Variants in ZRANB1 observed in about 807,000 individuals in gnomAD.
The protein encoded by ZRANB1 is zinc finger RANBP2-type containing 1, also known as ubiquitin thioesterase ZRANB1.
In ZRANB1, 16 loss-of-function variants were observed where a neutral mutation model predicts 80.5. The observed-to-expected ratio is 0.20, with a 90% CI of 0.13 to 0.30. The LOEUF (loss-of-function observed/expected upper bound fraction) is 0.30, where lower values mean the gene tolerates loss of function less well. Ranked by LOEUF, ZRANB1 falls within the 10% of genes least tolerant of loss-of-function variation. The probability of loss-of-function intolerance (pLI) is 1.00; values close to 1 mark genes in which losing one functional copy is unlikely to be tolerated. For synonymous variants in ZRANB1, 291 were observed against 293.1 expected, an observed-to-expected ratio of 0.99 and a Z score of 0.07; for missense variants, 576 against 862.6, an observed-to-expected ratio of 0.67 and a Z score of 4.16.
At chr10:124,979,009 G>A (rs1589855733) in intron 5 of ZRANB1, among the ~76,000 whole-genome samples, 3 of 151,678 alleles carry the variant, frequency 2.0e-5, no homozygotes, top group African/African-American at 7.3e-5. Flanking sequence ...GACCAGCCTG[G>A]GCAACATAAT....
At chr10:124,974,845 TG>T (rs1951862158) in intron 5 of ZRANB1, among the ~76,000 whole-genome samples, 1 of 152,208 alleles carries the variant, frequency 6.6e-6, no homozygotes, top group East Asian at 1.9e-4. Context: ...ATTGCTGTGC[TG>T]GAGTGCAGTG....
At position 124,985,102 on chromosome 10, in the gene ZRANB1, G is replaced by A. The variant is rs1244922186; in HGVS notation, c.*110G>A. On this transcript the variant is annotated 3_prime_UTR_variant, in exon 9 of 9. Transcript: ENST00000359653. Reference sequence around the variant, plus strand: ...TCATGGAATGAACCAAATCTGGCAGGATCTGCTCGGGGAAGTGTTTTCCTG... The same window carrying A: ...TCATGGAATGAACCAAATCTGGCAGAATCTGCTCGGGGAAGTGTTTTCCTG... The A allele has an allele frequency of 1.1e-5, 9 of 829,560 alleles. No homozygotes were observed. The highest frequency in any genetic ancestry group is 1.3e-5 in the Non-Finnish European group (7 of 524,572). The allele number at this position is 829,560 out of a possible 1,614,324, so 51.4% of individuals were successfully genotyped here. A position where few individuals can be genotyped will look rare whatever the true frequency, so the allele number is the denominator to read the frequency against.
intron 1 of ZRANB1, among the ~76,000 whole-genome samples, chr10:124,963,554 G>GTTTTTTTTTTT (rs760813299): frequency 1.7e-5 from 1 of 57,508 alleles, no homozygotes; most frequent in Non-Finnish European, 3.2e-5. Context: ...TTTTTTGTTT[G>GTTTTTTTTTTT]TTTTTTTTTT....
At position 124,942,551 on chromosome 10, in the gene ZRANB1, T is replaced by C. The variant is rs1250276538; in HGVS notation, c.58T>C (p.Ser20Pro). ...CEYCTYENWP[S>P]AIKCTMCRAQ... The stretch of plus-strand genomic sequence containing the variant: ...ATATTGTACGTATGAAAACTGGCCA[T>C]CTGCAATCAAGTGTACTATGTGTCG... The change falls in exon 1 of 9, where the codon TCT (serine) becomes CCT (proline). Residue 20 changes from serine (S) to proline (P), a missense_variant. By Grantham distance (74) the Ser-to-Pro change is moderately conservative. Around this residue, in one of 3 missense-constraint regions of ZRANB1, gnomAD observed 411 missense variants for 583.1 expected, o/e 0.70. Transcript: ENST00000359653. 6.2e-7 allele frequency: 1 copy of C among 1,614,196 alleles called. No homozygotes were observed. The highest frequency in any genetic ancestry group is 1.7e-5 in the Admixed American group (1 of 60,024).
intron 1 of ZRANB1, among the ~76,000 whole-genome samples, chr10:124,944,550 A>G (rs779664643): frequency 8.3e-4 from 108 of 130,782 alleles, no homozygotes; most frequent in Admixed American, 1.5e-3. Flanking sequence ...CAGTGATGCA[A>G]TCATGGCTCA....
chr10:124,939,425 G>C (rs1255323686), upstream of ZRANB1, among the ~76,000 whole-genome samples: 2 of 152,068 alleles, frequency 1.3e-5, no homozygotes, highest in Admixed American at 1.3e-4. Flanking sequence ...TAATTAGGCA[G>C]CTGTCTGTCC....
At chr10:124,926,239 C>T in the ZRANB1 span, among the ~76,000 whole-genome samples, 4 of 152,124 alleles carry the variant, frequency 2.6e-5, no homozygotes, top group African/African-American at 4.8e-5. Context: ...AACACTTTGG[C>T]TACACTAAGT....
upstream of ZRANB1, chr10:124,941,984 G>A (rs978591342): frequency 4.2e-5 from 10 of 240,710 alleles, no homozygotes; most frequent in Non-Finnish European, 6.8e-5. Flanking sequence ...TAAAATAGAC[G>A]TTGCTTGATC....
rs533265634 is a variant in ZRANB1, at chr10:124,985,564, C to A, written c.*572C>A. 6.5e-6 allele frequency: 1 copy of A among 152,742 alleles called. No individual in the cohort carries two copies. The highest frequency in any genetic ancestry group is 2.4e-5 in the African/African-American group (1 of 41,568). 9.5% of individuals were successfully genotyped at this position (152,742 alleles called of 1,614,324 possible). ...TGTGCCCAATCAAATCTTTTAGGAA[C>A]AAACTGCAAGAAAAGCTAAGAATGT... On this transcript the variant is annotated 3_prime_UTR_variant, in exon 9 of 9. Transcript: ENST00000359653.
chr10:124,944,082 G>A (rs1018519298), intron 1 of ZRANB1, among the ~76,000 whole-genome samples: 1 of 152,194 alleles, frequency 6.6e-6, no homozygotes, highest in Non-Finnish European at 1.5e-5. Flanking sequence ...AGGAAATGCT[G>A]TTAAAGGACA....
chr10:124,984,699 G>A (rs1466371518), intron 8 of ZRANB1, 75 bp from the exon 9 acceptor site: 1 of 1,469,560 alleles, frequency 6.8e-7, no homozygotes. Context: ...CCAGCTGTAG[G>A]TTTCCATGTC....
the ZRANB1 span, among the ~76,000 whole-genome samples, chr10:124,918,019 T>C: frequency 6.6e-6 from 1 of 152,172 alleles, no homozygotes; most frequent in African/African-American, 2.4e-5. Context: ...GTTTTGAAAC[T>C]CTCTTGCTGA....
upstream of ZRANB1, among the ~76,000 whole-genome samples, chr10:124,941,356 AT>A (rs1033033840): frequency 2.0e-5 from 3 of 151,976 alleles, no homozygotes; most frequent in African/African-American, 7.3e-5. Context: ...TATGAATTGG[AT>A]TTTTTGGGGG....
chr10:124,939,876 C>T (rs1034940741), upstream of ZRANB1, among the ~76,000 whole-genome samples: 5 of 152,108 alleles, frequency 3.3e-5, no homozygotes, highest in African/African-American at 1.2e-4. Context: ...CTCTGCTCTT[C>T]CACACATTTT....
At chr10:124,937,183 A>ATTT (rs35095657), upstream of ZRANB1, among the ~76,000 whole-genome samples, 1 of 93,984 alleles carries the variant, frequency 1.1e-5, no homozygotes. Context: ...ATTTGTGTGT[A>ATTT]TTTTTTTTTT....
chr10:124,968,397 T>TGTTC (rs1404045341), intron 2 of ZRANB1, among the ~76,000 whole-genome samples: 1 of 152,186 alleles, frequency 6.6e-6, no homozygotes, highest in Non-Finnish European at 1.5e-5. Context: ...AACATGATTG[T>TGTTC]AGTAGCTAAC....
Position 124,984,904 on chromosome 10 carries a change from T to C in ZRANB1, c.2039T>C (p.Val680Ala). 6.2e-7 allele frequency: 1 copy of C among 1,613,580 alleles called. No individual in the cohort carries two copies. Among genetic ancestry groups the C allele is most frequent in the Non-Finnish European group, 8.5e-7 (1 of 1,179,960 alleles). ...RRNHPLVTQM[V>A]EKWLDRYRQI... ...AATCACCCCCTGGTCACTCAGATGG[T>C]AGAAAAATGGCTTGACCGCTACCGA... The change falls in exon 9 of 9, where the codon GTA (valine) becomes GCA (alanine). Residue 680 changes from valine (V) to alanine (A), a missense_variant. This residue lies in a region of ZRANB1 where 152 missense variants were observed against 221.9 expected (regional missense o/e 0.69). Coordinates refer to ENST00000359653, the MANE Select transcript of ZRANB1 (RefSeq NM_017580.3).
At chr10:124,919,408 A>T in the ZRANB1 span, among the ~76,000 whole-genome samples, 1 of 151,980 alleles carries the variant, frequency 6.6e-6, no homozygotes, top group African/African-American at 2.4e-5. Flanking sequence ...TTTGCCGGGT[A>T]TGGTGGCGTG....
the ZRANB1 span, among the ~76,000 whole-genome samples, chr10:124,932,015 T>C: frequency 6.6e-6 from 1 of 152,244 alleles, no homozygotes; most frequent in East Asian, 1.9e-4. Context: ...ATCTTTTTAC[T>C]GTCTTCATGT....
Sources: allele counts gnomAD v4.1 joint callset (sites outside exome capture counted in the v4.1 genomes callset), GRCh38; gene constraint gnomAD v4.1.1; regional missense constraint gnomAD v4.1.1; transcripts MANE v1.5; gene names NCBI Gene and HGNC (gene_info 2026-07-23, HGNC 2026-07-21).